Variants in SHLD1 observed in about 807,000 individuals in gnomAD.
SHLD1 encodes the protein shieldin complex subunit 1.
Under a neutral mutation model 5.5 loss-of-function variants are expected in SHLD1, and 3 were observed. The ratio of observed to expected loss-of-function variants is 0.54; its 90% confidence interval spans 0.25 to 1.40. The LOEUF (loss-of-function observed/expected upper bound fraction) is 1.40. Ranked by LOEUF, SHLD1 falls within the 40% of genes most tolerant of loss-of-function variation. The pLI is 0.15. For missense variants in SHLD1, 210 were observed against 244.4 expected (o/e 0.86, Z 0.94); for synonymous variants, 92 against 94.3 (o/e 0.98, Z 0.14).
intron 2 of SHLD1, among the ~76,000 whole-genome samples, chr20:5,842,920 C>T (rs2087883168): frequency 6.6e-6 from 1 of 152,142 alleles, no homozygotes; most frequent in African/African-American, 2.4e-5. Context: ...CTTTCAACTT[C>T]CCATTTTATT....
chr20:5,776,116 C>A (rs1479330235), intron 2 of SHLD1, among the ~76,000 whole-genome samples: 1 of 151,604 alleles, frequency 6.6e-6, no homozygotes, highest in Non-Finnish European at 1.5e-5. Flanking sequence ...TTAGTAGAGA[C>A]GGGGTTCACC....
At chr20:5,862,128 T>C (rs557086040) in intron 2 of SHLD1, among the ~76,000 whole-genome samples, 1 of 152,348 alleles carries the variant, frequency 6.6e-6, no homozygotes, top group South Asian at 2.1e-4. Context: ...TAAAAAGCCC[T>C]CTCTCCAAAT....
chr20:5,768,582 C>T (rs958432370), intron 1 of SHLD1, among the ~76,000 whole-genome samples: 2 of 152,128 alleles, frequency 1.3e-5, no homozygotes, highest in Non-Finnish European at 2.9e-5. Context: ...ATGTTTGGTC[C>T]GTAGAGGAAA....
At chr20:5,807,029 G>T (rs2087387340) in intron 2 of SHLD1, among the ~76,000 whole-genome samples, 1 of 152,176 alleles carries the variant, frequency 6.6e-6, no homozygotes, top group Non-Finnish European at 1.5e-5. Flanking sequence ...TGTGAGCCAG[G>T]CCCATGCCCA....
intron 2 of SHLD1, among the ~76,000 whole-genome samples, chr20:5,857,164 C>T (rs557460553): frequency 6.6e-6 from 1 of 152,104 alleles, no homozygotes. Flanking sequence ...TTAGTAGAGA[C>T]GGGGTTTCGC....
chr20:5,770,360 A>C (rs781724870), intron 1 of SHLD1, among the ~76,000 whole-genome samples: 4 of 152,238 alleles, frequency 2.6e-5, no homozygotes, highest in Non-Finnish European at 5.9e-5. Context: ...ACACTTCAGC[A>C]AATTTTAGTA....
intron 2 of SHLD1, among the ~76,000 whole-genome samples, chr20:5,779,980 T>TTG (rs1555770926): frequency 7.1e-5 from 10 of 140,500 alleles, no homozygotes; most frequent in African/African-American, 2.7e-4. Flanking sequence ...CTGTTTTTTT[T>TTG]TTTTTTTTTT....
intron 2 of SHLD1, among the ~76,000 whole-genome samples, chr20:5,783,175 T>C (rs1258030769): frequency 6.6e-6 from 1 of 152,196 alleles, no homozygotes; most frequent in Admixed American, 6.5e-5. Flanking sequence ...GGGTATTCTG[T>C]GTGGCAGTGC....
chr20:5,819,185 C>T (rs1251006344), intron 2 of SHLD1, among the ~76,000 whole-genome samples: 1 of 151,972 alleles, frequency 6.6e-6, no homozygotes, highest in Non-Finnish European at 1.5e-5. Flanking sequence ...TAATTCAGTC[C>T]CACTCCTCGG....
At chr20:5,841,758 T>G (rs182710941) in intron 2 of SHLD1, among the ~76,000 whole-genome samples, 1 of 152,204 alleles carries the variant, frequency 6.6e-6, no homozygotes, top group Non-Finnish European at 1.5e-5. Flanking sequence ...TTTCTCATGA[T>G]CTCTTCAAAG....
At chr20:5,856,360 C>T (rs192855418) in intron 2 of SHLD1, among the ~76,000 whole-genome samples, 25 of 152,344 alleles carry the variant, frequency 1.6e-4, no homozygotes, top group Admixed American at 3.9e-4. Flanking sequence ...GTCAGACTCT[C>T]ATGCAGCCCA....
At chr20:5,838,006 A>G (rs1025350751) in intron 2 of SHLD1, among the ~76,000 whole-genome samples, 3 of 152,224 alleles carry the variant, frequency 2.0e-5, no homozygotes, top group Non-Finnish European at 2.9e-5. Context: ...CCTATTTACC[A>G]CAGAAGCAAT....
chr20:5,828,904 TC>T (rs2087696718), intron 2 of SHLD1, among the ~76,000 whole-genome samples: 1 of 152,178 alleles, frequency 6.6e-6, no homozygotes, highest in Admixed American at 6.5e-5. Flanking sequence ...ATAGGATCTC[TC>T]TTTGTTACCC....
chr20:5,758,921 T>G (rs1254600813), intron 1 of SHLD1, among the ~76,000 whole-genome samples: 2 of 137,150 alleles, frequency 1.5e-5, no homozygotes, highest in South Asian at 2.2e-4. Context: ...GTCAAATGTG[T>G]TTTTTTTTTT....
intron 1 of SHLD1, among the ~76,000 whole-genome samples, chr20:5,760,943 A>C (rs1201259241): frequency 6.6e-6 from 1 of 151,856 alleles, no homozygotes; most frequent in East Asian, 1.9e-4. Flanking sequence ...GGGGTGGTTG[A>C]GTTCATCTAG....
intron 1 of SHLD1, among the ~76,000 whole-genome samples, chr20:5,760,953 G>A (rs541527026): frequency 5.9e-5 from 9 of 152,220 alleles, no homozygotes; most frequent in African/African-American, 2.2e-4. Flanking sequence ...AGTTCATCTA[G>A]GCTGGGGTTT....
At chr20:5,794,514 A>G (rs752813720) in intron 2 of SHLD1, among the ~76,000 whole-genome samples, 31 of 152,384 alleles carry the variant, frequency 2.0e-4, no homozygotes, top group Admixed American at 3.9e-4. Context: ...AGCATTTGCT[A>G]TGAAAATATA....
intron 2 of SHLD1, among the ~76,000 whole-genome samples, chr20:5,802,432 C>T (rs572737439): frequency 2.0e-4 from 30 of 152,212 alleles, no homozygotes; most frequent in African/African-American, 7.2e-4. Context: ...GCCACACTTT[C>T]CTCATTTGGA....
At position 5,844,785 on chromosome 20, in the gene SHLD1, A is replaced by ATTTTTTTTT. The variant is rs1451016272; in HGVS notation, c.179-18238_179-18237insTTTTTTTTT. Among the ~76,000 whole-genome samples, 11 of 102,358 alleles carry ATTTTTTTTT rather than the reference A, an allele frequency of 1.1e-4. 1 individual carries two copies. The highest frequency in any genetic ancestry group is 9.0e-4 in the South Asian group (3 of 3,316). 67.2% of individuals were successfully genotyped at this position (102,358 alleles called of 152,430 possible). A position where few individuals can be genotyped will look rare whatever the true frequency, so the allele number is the denominator to read the frequency against. On this transcript the variant is annotated intron_variant, in intron 2 of 2. Transcript: ENST00000303142. ...GTGTAGTAGACATATATATATATATATATATATATATATATTTTTTTTTTT... is the reference window on the plus strand; with the variant it reads ...GTGTAGTAGACATATATATATATATATTTTTTTTTTATATATATATATATTTTTTTTTTT...
Sources: gnomAD v4.1 joint callset for allele counts (sites outside exome capture counted in the v4.1 genomes callset) on GRCh38, gnomAD v4.1.1 for gene constraint, MANE v1.5 for transcripts, NCBI Gene and HGNC (gene_info 2026-07-23, HGNC 2026-07-21) for gene names.